Variants in HSPG2 observed in about 807,000 individuals in gnomAD.
HSPG2 encodes heparan sulfate proteoglycan 2.
In HSPG2, 278 loss-of-function variants were observed where a neutral mutation model predicts 526.6. The observed-to-expected ratio is 0.53, with a 90% CI of 0.48 to 0.58. The LOEUF (loss-of-function observed/expected upper bound fraction) is 0.58, where lower values mean the gene tolerates loss of function less well. HSPG2 is among the 20% of genes least tolerant of loss of function. The pLI, the probability that HSPG2 is intolerant of heterozygous loss-of-function variation, is 0.00. For missense variants in HSPG2, 5,354 were observed against 6,099.5 expected, an observed-to-expected ratio of 0.88 and a Z score of 4.07; for synonymous variants, 2,465 against 2,555.4, an observed-to-expected ratio of 0.96 and a Z score of 1.07.
chr1:21,915,367 C>T (rs1367995735), intron 1 of HSPG2, among the ~76,000 whole-genome samples: 2 of 152,324 alleles, frequency 1.3e-5, no homozygotes, highest in Non-Finnish European at 2.9e-5. Context: ...TTCCAGATGC[C>T]AGCAGCTGAA....
rs1242663777 is a variant in HSPG2, at chr1:21,880,180, T to G, written c.2270A>C (p.Tyr757Ser). The change falls in exon 17 of 97, where the codon TAC (tyrosine) becomes TCC (serine). Residue 757 changes from tyrosine to serine, a missense_variant. Coordinates refer to ENST00000374695, the MANE Select transcript of HSPG2 (RefSeq NM_005529.7). ...AHFTRVPGGP[Y>S]LGTCSGCNCN... Reference sequence around the variant, plus strand: ...ATTGCAACCAGAGCAGGTGCCCAGGTAGGGCCCACCAGGCACCCGAGTGAA... The same window carrying G: ...ATTGCAACCAGAGCAGGTGCCCAGGGAGGGCCCACCAGGCACCCGAGTGAA... 5 of 1,614,092 alleles carry G rather than the reference T, an allele frequency of 3.1e-6. No homozygotes were observed. The highest frequency in any genetic ancestry group is 4.2e-6 in the Non-Finnish European group (5 of 1,179,988).
At chr1:21,908,177 T>C (rs760077155) in intron 1 of HSPG2, 8 of 833,490 alleles carry the variant, frequency 9.6e-6, no homozygotes, top group Admixed American at 1.7e-5. Context: ...GTTGTTCCTT[T>C]GGCCACGTAT....
chr1:21,924,592 A>C (rs1186590470), intron 1 of HSPG2, among the ~76,000 whole-genome samples: 1 of 152,054 alleles, frequency 6.6e-6, no homozygotes, highest in Admixed American at 6.6e-5. Flanking sequence ...TGAGTAGGAA[A>C]ACTGAGGCCC....
At position 21,848,871 on chromosome 1, in the gene HSPG2, G is replaced by A; in HGVS notation, c.7585+22C>T. 6.2e-7 allele frequency: 1 copy of A among 1,612,790 alleles called. No homozygotes were observed. Among genetic ancestry groups the A allele is most frequent in the South Asian group, 1.1e-5 (1 of 91,012 alleles). On this transcript the variant is annotated intron_variant, in intron 58 of 96. Transcript: ENST00000374695. The surrounding 1 kb of genome is among the most constrained non-coding windows in gnomAD (Gnocchi z 4.9). ...GGGGTCCCCCAGCCCTCCACCATTT[G>A]CATGACCCCCGAGACACTCACAGTG...
intron 1 of HSPG2, among the ~76,000 whole-genome samples, chr1:21,926,197 G>A (rs1326793502): frequency 6.6e-6 from 1 of 152,146 alleles, no homozygotes; most frequent in Non-Finnish European, 1.5e-5. Flanking sequence ...AAAGATTGCT[G>A]TGAGTATTAT....
At chr1:21,825,244 C>G (rs2097967373) in intron 91 of HSPG2, 1 of 196,378 alleles carries the variant, frequency 5.1e-6, no homozygotes, top group Non-Finnish European at 1.1e-5. Flanking sequence ...GATTACTTTA[C>G]TTCAGCATAA....
At position 21,864,768 on chromosome 1, in the gene HSPG2, GCGGCGA is replaced by G. The variant is rs1640092992; in HGVS notation, c.4626+69_4626+74del. 2.4e-6 allele frequency: 3 copies of G among 1,237,710 alleles called. No homozygotes were observed. In the Admixed American group the frequency reaches 5.9e-5, roughly 24 times the overall value. The allele number at this position is 1,237,710 out of a possible 1,614,324, so 76.7% of individuals were successfully genotyped here. On this transcript the variant is annotated intron_variant, in intron 36 of 96. Coordinates refer to ENST00000374695, the MANE Select transcript of HSPG2 (RefSeq NM_005529.7). The surrounding 1 kb of genome is among the most constrained non-coding windows in gnomAD (Gnocchi z 4.8). ...TATAGTTATGATGGTAATCAAGGCTGCGGCGACGCCGGCTGATTTGCTTGCTGATGC... is the reference window on the plus strand; with the variant it reads ...TATAGTTATGATGGTAATCAAGGCTGCGCCGGCTGATTTGCTTGCTGATGC...
intron 1 of HSPG2, among the ~76,000 whole-genome samples, chr1:21,915,182 C>T (rs889265939): frequency 8.6e-6 from 1 of 115,876 alleles, no homozygotes; most frequent in African/African-American, 3.0e-5. Flanking sequence ...GATACGGGCG[C>T]GTTAGAGCGG....
intron 1 of HSPG2, among the ~76,000 whole-genome samples, chr1:21,906,332 C>T (rs750907435): frequency 4.6e-5 from 7 of 152,228 alleles, no homozygotes; most frequent in Non-Finnish European, 1.0e-4. Context: ...AGCCAGACAG[C>T]CAGGCCTCAG....
chr1:21,848,768 T>C lies in HSPG2; in HGVS notation c.7612A>G (p.Ile2538Val). 1 of 1,613,778 alleles carries C rather than the reference T, an allele frequency of 6.2e-7. No individual in the cohort carries two copies. Among genetic ancestry groups the C allele is most frequent in the Non-Finnish European group, 8.5e-7 (1 of 1,179,966 alleles). Residue 2538 changes from isoleucine (I) to valine (V), a missense_variant, in exon 59 of 97, where the codon ATC (isoleucine) becomes GTC (valine). Ile to Val is a conservative substitution (Grantham distance 29). Coordinates refer to ENST00000374695, the MANE Select transcript of HSPG2 (RefSeq NM_005529.7). This position sits in a 1 kb window ranked among gnomAD's most constrained non-coding sequence, Gnocchi z 4.9. The part of the protein sequence containing the change: ...HSQGVAYPVR[I>V]ESSSASLANG... ...GCCAGGGAGGCTGAGGAGGACTCGA[T>C]GCGGACGGGGTACGCCACACCCTGG...
In HSPG2 at chr1:21,872,166, G is replaced by C. The variant is rs1640701168; in HGVS notation, c.4221+20C>G. On this transcript the variant is annotated intron_variant, in intron 33 of 96. Coordinates refer to ENST00000374695, the MANE Select transcript of HSPG2 (RefSeq NM_005529.7). This position sits in a 1 kb window ranked among gnomAD's most constrained non-coding sequence, Gnocchi z 5.5. ...TCATGTCTGAGTCACGGCTGACCCT[G>C]GTGCTTGGCTGGGGCCCACCTTGTC... 5.8e-6 allele frequency: 9 copies of C among 1,551,316 alleles called. No individual in the cohort carries two copies. The Middle Eastern group carries it at 1.2e-3, about 202-fold the overall frequency.
rs1275976084 is a variant in HSPG2, at chr1:21,854,284, C to A, written c.6348G>T (p.Val2116=). 1 of 1,576,838 alleles carries A rather than the reference C, an allele frequency of 6.3e-7. No homozygotes were observed. Among genetic ancestry groups the A allele is most frequent in the Non-Finnish European group, 8.6e-7 (1 of 1,160,822 alleles). The part of the protein sequence containing the change: ...QVSPADSGEY[V]CRVENGSGPK... ...GGCCCGATCCATTCTCCACACGGCA[C>A]ACATATTCTCCAGAATCAGCTGGTG... The change falls in exon 50 of 97, where the codon GTG becomes GTT. Residue 2116 remains valine, a synonymous_variant. Transcript: ENST00000374695.
At chr1:21,873,522 A>G (rs1640815268) in intron 29 of HSPG2, 98 bp from the exon 30 acceptor site, 8 of 1,172,846 alleles carry the variant, frequency 6.8e-6, no homozygotes, top group Non-Finnish European at 1.0e-5. Context: ...GGCCTCATGC[A>G]CTGGAAGAAA....
Position 21,864,967 on chromosome 1 carries a change from G to T in HSPG2, c.4502C>A (p.Pro1501Gln), listed in dbSNP as rs371955842. Residue 1501 changes from proline to glutamine, a missense_variant, in exon 36 of 97, where the codon CCG becomes CAG. By Grantham distance (76) the Pro-to-Gln change is moderately conservative. Coordinates refer to ENST00000374695, the MANE Select transcript of HSPG2 (RefSeq NM_005529.7). The surrounding 1 kb of genome is among the most constrained non-coding windows in gnomAD (Gnocchi z 4.8). ...LLIRATFSSVPLAASISAVSL... is the reference protein window; with the variant it reads ...LLIRATFSSVQLAASISAVSL... Reference sequence around the variant, plus strand: ...GACTGCGCTGATGCTGGCCGCCAGCGGCACGGAGGAGAACGTGGCCCGGAT... The same window carrying T: ...GACTGCGCTGATGCTGGCCGCCAGCTGCACGGAGGAGAACGTGGCCCGGAT... 1 of 1,597,076 alleles carries T rather than the reference G, an allele frequency of 6.3e-7. No individual in the cohort carries two copies.
intron 80 of HSPG2, 61 bp from the exon 81 acceptor site, chr1:21,832,667 A>G: frequency 8.0e-7 from 1 of 1,256,638 alleles, no homozygotes; most frequent in Non-Finnish European, 1.2e-6. Context: ...GTCCTCCCCC[A>G]CCCTAGAAAC....
chr1:21,851,501 G>A (rs1426767552), intron 55 of HSPG2, 45 bp downstream of exon 55: 1 of 1,612,058 alleles, frequency 6.2e-7, no homozygotes, highest in Non-Finnish European at 8.5e-7. Context: ...CGCCACCCAG[G>A]GACCCGCTTC....
At chr1:21,878,770 A>G in intron 18 of HSPG2, 107 bp from the exon 19 acceptor site, 1 of 1,255,782 alleles carries the variant, frequency 8.0e-7, no homozygotes, top group Middle Eastern at 2.2e-4. Flanking sequence ...GCCACGAGGC[A>G]TGACGCCATC....
At position 21,937,239 on chromosome 1, in the gene HSPG2, T is replaced by C; in HGVS notation, c.-22A>G. ...CCATGGCCCGGCCCGCGCCGCTCTC[T>C]CGCTCGCTCGCTCCGCGCCGCCCGC... On this transcript the variant is annotated 5_prime_UTR_variant, in exon 1 of 97. Coordinates refer to ENST00000374695, the MANE Select transcript of HSPG2 (RefSeq NM_005529.7). The C allele has an allele frequency of 2.3e-6, 2 of 862,440 alleles. No homozygotes were observed. The highest frequency in any genetic ancestry group is 2.7e-6 in the Non-Finnish European group (2 of 728,108). 53.4% of individuals were successfully genotyped at this position (862,440 alleles called of 1,614,324 possible). A position where few individuals can be genotyped will look rare whatever the true frequency, so the allele number is the denominator to read the frequency against.
In HSPG2 at chr1:21,873,914, C is replaced by T. The variant is rs374633279; in HGVS notation, c.3743+11G>A. 6.4e-7 allele frequency: 1 copy of T among 1,570,938 alleles called. No homozygotes were observed. Among genetic ancestry groups the T allele is most frequent in the South Asian group, 1.2e-5 (1 of 85,534 alleles). ...TGCGCATCCCCCCACCCTCTCCACC[C>T]CCTGCCTCACCTCTCACAGTGACGC... On this transcript the variant is annotated intron_variant, in intron 29 of 96. Transcript: ENST00000374695.
Sources: allele counts gnomAD v4.1 joint callset (sites outside exome capture counted in the v4.1 genomes callset), GRCh38; gene constraint gnomAD v4.1.1; non-coding constraint Gnocchi (gnomAD v3.1); transcripts MANE v1.5; gene names NCBI Gene and HGNC (gene_info 2026-07-23, HGNC 2026-07-21).